Variants in NRG3 observed in about 807,000 individuals in gnomAD.
NRG3 encodes the protein neuregulin 3.
In NRG3, 31 loss-of-function variants were observed where a neutral mutation model predicts 66.9. The observed-to-expected ratio is 0.46, with a 90% CI of 0.35 to 0.63. NRG3 has a LOEUF of 0.63. Ranked by LOEUF, NRG3 falls within the 20% of genes least tolerant of loss-of-function variation. The pLI is 0.00. For missense variants in NRG3, 910 were observed against 878.9 expected (o/e 1.04, Z -0.45); for synonymous variants, 393 against 359.4 (o/e 1.09, Z -1.06).
intron 1 of NRG3, among the ~76,000 whole-genome samples, chr10:82,016,259 C>T (rs563115883): frequency 6.6e-6 from 1 of 152,088 alleles, no homozygotes; most frequent in South Asian, 2.1e-4. Flanking sequence ...TGTGCTTTTA[C>T]TGTATGGTTA....
At chr10:82,880,345 G>A (rs1441134878) in intron 4 of NRG3, among the ~76,000 whole-genome samples, 1 of 152,096 alleles carries the variant, frequency 6.6e-6, no homozygotes, top group Admixed American at 6.5e-5. Flanking sequence ...GCGCACGAGT[G>A]AGACTGCCAT....
intron 2 of NRG3, among the ~76,000 whole-genome samples, chr10:82,732,478 G>T (rs2134664968): frequency 6.6e-6 from 1 of 152,220 alleles, no homozygotes; most frequent in African/African-American, 2.4e-5. Context: ...CACAGATAAA[G>T]CAAGAGCTTT....
At chr10:82,377,110 C>A (rs2085291915) in intron 2 of NRG3, among the ~76,000 whole-genome samples, 1 of 151,960 alleles carries the variant, frequency 6.6e-6, no homozygotes, top group African/African-American at 2.4e-5. Context: ...TTTTTATATT[C>A]TTTATTTGGC....
intron 4 of NRG3, among the ~76,000 whole-genome samples, chr10:82,924,468 T>C (rs1235988851): frequency 6.6e-6 from 1 of 151,728 alleles, no homozygotes; most frequent in Non-Finnish European, 1.5e-5. Flanking sequence ...GGGTCTACCA[T>C]AAGGCAGAAG....
At chr10:82,708,120 CGAATACTCTGCTA>C (rs1163573744) in intron 2 of NRG3, among the ~76,000 whole-genome samples, 1 of 151,954 alleles carries the variant, frequency 6.6e-6, no homozygotes, top group Non-Finnish European at 1.5e-5. Flanking sequence ...TTTAATCTTA[CGAATACTCTGCTA>C]TTTTTTTCAA....
chr10:82,321,307 T>TG (rs1183416916), intron 1 of NRG3, among the ~76,000 whole-genome samples: 1 of 121,346 alleles, frequency 8.2e-6, no homozygotes, highest in East Asian at 3.0e-4. Context: ...GGGGTGGGGG[T>TG]GGGGGTCAGG....
intron 4 of NRG3, among the ~76,000 whole-genome samples, chr10:82,879,467 C>CT (rs201614818): frequency 0.1 from 12,165 of 120,632 alleles, 1,091 homozygotes; most frequent in Middle Eastern, 0.14. Flanking sequence ...CTAATGAAGA[C>CT]TTTTTTTTTT....
intron 1 of NRG3, among the ~76,000 whole-genome samples, chr10:82,206,761 A>G (rs919704199): frequency 5.3e-5 from 8 of 152,136 alleles, no homozygotes; most frequent in Non-Finnish European, 8.8e-5. Context: ...TAGTAATTCT[A>G]TGTTTCTTCT....
At chr10:82,230,211 C>G (rs1010384108) in intron 1 of NRG3, 1 of 152,122 alleles carries the variant, frequency 6.6e-6, no homozygotes, top group African/African-American at 2.4e-5. Context: ...ATCCACTTAC[C>G]TTTTAAAACA....
chr10:82,554,269 A>G (rs1344069703), intron 2 of NRG3, among the ~76,000 whole-genome samples: 1 of 152,160 alleles, frequency 6.6e-6, no homozygotes, highest in Non-Finnish European at 1.5e-5. Flanking sequence ...CAAAATACGT[A>G]GGAAAGATGA....
chr10:82,454,168 C>T (rs1564939395), intron 2 of NRG3, among the ~76,000 whole-genome samples: 1 of 152,208 alleles, frequency 6.6e-6, no homozygotes, highest in Non-Finnish European at 1.5e-5. Context: ...ATATATTAGA[C>T]TTGAGCATTC....
At chr10:82,631,316 T>A (rs2049814731) in intron 2 of NRG3, among the ~76,000 whole-genome samples, 1 of 152,184 alleles carries the variant, frequency 6.6e-6, no homozygotes, top group African/African-American at 2.4e-5. Context: ...TGATCATGAC[T>A]TCTGCTAAAA....
intron 1 of NRG3, among the ~76,000 whole-genome samples, chr10:82,286,838 G>A (rs530076169): frequency 2.0e-5 from 3 of 152,060 alleles, no homozygotes; most frequent in African/African-American, 7.2e-5. Context: ...TGCCCACCTC[G>A]GCCTTCCAAA....
intron 4 of NRG3, among the ~76,000 whole-genome samples, chr10:82,944,782 C>T (rs527808325): frequency 7.9e-5 from 12 of 152,004 alleles, no homozygotes; most frequent in Admixed American, 2.0e-4. Context: ...AGAAAATGTT[C>T]GAAAACATTT....
At chr10:82,363,605 G>A (rs2084330585) in intron 2 of NRG3, among the ~76,000 whole-genome samples, 1 of 152,120 alleles carries the variant, frequency 6.6e-6, no homozygotes, top group South Asian at 2.1e-4. Flanking sequence ...ACAGGCACCT[G>A]CCACCACACC....
chr10:82,052,031 AT>A (rs34567293), intron 1 of NRG3, among the ~76,000 whole-genome samples: 134 of 144,754 alleles, frequency 9.3e-4, no homozygotes, highest in African/African-American at 9.9e-4. Context: ...ACCGCATTAG[AT>A]TTTTTTTTTT....
chr10:82,421,980 C>A (rs1348191791), intron 2 of NRG3, among the ~76,000 whole-genome samples: 2 of 152,010 alleles, frequency 1.3e-5, no homozygotes, highest in African/African-American at 4.8e-5. Flanking sequence ...GCATTGTTAG[C>A]TTGAGAACCA....
chr10:82,687,314 C>T (rs1011185325), intron 2 of NRG3, among the ~76,000 whole-genome samples: 1 of 152,076 alleles, frequency 6.6e-6, no homozygotes, highest in African/African-American at 2.4e-5. Context: ...ACGGCTGCTC[C>T]TAGGTGCCTA....
intron 2 of NRG3, among the ~76,000 whole-genome samples, chr10:82,468,949 T>A (rs1840961346): frequency 6.6e-6 from 1 of 152,164 alleles, no homozygotes; most frequent in Admixed American, 6.5e-5. Flanking sequence ...ATTCCTGATT[T>A]CTTGCTATCA....
Sources: gnomAD v4.1 joint callset for allele counts (sites outside exome capture counted in the v4.1 genomes callset) on GRCh38, gnomAD v4.1.1 for gene constraint, MANE v1.5 for transcripts, NCBI Gene and HGNC (gene_info 2026-07-23, HGNC 2026-07-21) for gene names.